Variants in SORCS3 observed in about 807,000 individuals in gnomAD.
SORCS3 encodes the protein VPS10 domain-containing receptor SorCS3.
In SORCS3, 57 loss-of-function variants were observed where a neutral mutation model predicts 146.3. The ratio of observed to expected loss-of-function variants is 0.39; its 90% CI spans 0.31 to 0.49. The LOEUF is 0.49. Among genes scored for constraint, SORCS3 ranks in the 20% least tolerant of loss-of-function variants. The pLI, the probability that SORCS3 is intolerant of heterozygous loss-of-function variation, is 0.92. For synonymous variants in SORCS3, 653 were observed against 618.5 expected (o/e 1.06, Z -0.83); for missense variants, 1,341 against 1,575.5 (o/e 0.85, Z 2.52).
chr10:104,668,443 G>A (rs1441263338), intron 1 of SORCS3, among the ~76,000 whole-genome samples: 1 of 152,134 alleles, frequency 6.6e-6, no homozygotes, highest in Admixed American at 6.5e-5. Flanking sequence ...TTTGATCCTG[G>A]TTTAGCCTCT....
At chr10:104,965,349 T>G (rs913741489) in intron 3 of SORCS3, among the ~76,000 whole-genome samples, 19 of 152,236 alleles carry the variant, frequency 1.2e-4, no homozygotes, top group Admixed American at 2.6e-4. Context: ...CAATGCTACA[T>G]TCAATGGTCA....
chr10:104,884,966 A>G (rs2018668102), intron 2 of SORCS3, among the ~76,000 whole-genome samples: 1 of 151,698 alleles, frequency 6.6e-6, no homozygotes, highest in African/African-American at 2.4e-5. Context: ...TTCTCACACT[A>G]TTTATTCTGC....
chr10:105,226,016 C>A (rs903826708), intron 20 of SORCS3, among the ~76,000 whole-genome samples: 1 of 151,722 alleles, frequency 6.6e-6, no homozygotes, highest in Non-Finnish European at 1.5e-5. Flanking sequence ...AAATTTGACT[C>A]TTTCTTTTTA....
intron 2 of SORCS3, among the ~76,000 whole-genome samples, chr10:104,890,345 C>CA (rs1230696676): frequency 4.6e-5 from 7 of 151,914 alleles, no homozygotes; most frequent in African/African-American, 1.7e-4. Context: ...ATTTTTTCCT[C>CA]AGTTTTTTTT....
chr10:104,716,358 T>C (rs2016479215), intron 1 of SORCS3, among the ~76,000 whole-genome samples: 1 of 152,102 alleles, frequency 6.6e-6, no homozygotes, highest in Non-Finnish European at 1.5e-5. Context: ...TTGCAGGAGA[T>C]GTTAAACTTT....
At chr10:104,674,345 G>T (rs1208886040) in intron 1 of SORCS3, among the ~76,000 whole-genome samples, 2 of 152,196 alleles carry the variant, frequency 1.3e-5, no homozygotes, top group Non-Finnish European at 2.9e-5. Context: ...GTAGTGAATA[G>T]TATTTGGCAA....
intron 1 of SORCS3, among the ~76,000 whole-genome samples, chr10:104,748,459 G>A (rs929647289): frequency 2.0e-5 from 3 of 152,114 alleles, no homozygotes; most frequent in Admixed American, 6.5e-5. Context: ...ACTTAAGGAA[G>A]AAAAGAAAAT....
chr10:104,940,236 A>T (rs1395487963), intron 3 of SORCS3, among the ~76,000 whole-genome samples: 17 of 23,602 alleles, frequency 7.2e-4, no homozygotes, highest in East Asian at 3.8e-3. Flanking sequence ...ATATATATAT[A>T]TATTTTTTTT....
intron 1 of SORCS3, among the ~76,000 whole-genome samples, chr10:104,713,869 G>A (rs936920280): frequency 6.6e-5 from 10 of 152,224 alleles, no homozygotes; most frequent in Admixed American, 5.9e-4. Flanking sequence ...GAATTCATAG[G>A]TGAAAGCATC....
intron 4 of SORCS3, among the ~76,000 whole-genome samples, chr10:104,989,062 G>A (rs1265598569): frequency 6.6e-6 from 1 of 152,184 alleles, no homozygotes; most frequent in African/African-American, 2.4e-5. Flanking sequence ...GTTGTCAATT[G>A]GCATAAGTGA....
chr10:104,671,185 A>T (rs1306795708), intron 1 of SORCS3, among the ~76,000 whole-genome samples: 1 of 151,602 alleles, frequency 6.6e-6, no homozygotes, highest in African/African-American at 2.4e-5. Context: ...TGTGTTGAAC[A>T]GTATTAGTAA....
chr10:104,760,778 T>G (rs145115610), intron 1 of SORCS3, among the ~76,000 whole-genome samples: 1 of 152,274 alleles, frequency 6.6e-6, no homozygotes, highest in Admixed American at 6.5e-5. Flanking sequence ...AGCTCATCAG[T>G]ATGAGTCTCT....
chr10:104,721,258 G>C (rs539542836), intron 1 of SORCS3, among the ~76,000 whole-genome samples: 37 of 152,168 alleles, frequency 2.4e-4, no homozygotes, highest in East Asian at 1.2e-3. Flanking sequence ...GCTTGTTTTT[G>C]TCAGGTTTGT....
chr10:105,060,427 A>C (rs1331294640), intron 5 of SORCS3, among the ~76,000 whole-genome samples: 2 of 152,126 alleles, frequency 1.3e-5, no homozygotes, highest in Non-Finnish European at 2.9e-5. Flanking sequence ...TTTGCAGTTA[A>C]TACAGTGCAC....
At chr10:105,003,044 G>GC (rs2055071504) in intron 4 of SORCS3, among the ~76,000 whole-genome samples, 1 of 152,176 alleles carries the variant, frequency 6.6e-6, no homozygotes, top group Non-Finnish European at 1.5e-5. Flanking sequence ...TGCAGCTCAT[G>GC]CATGGTGGCA....
rs542625898 is a variant in SORCS3 at position 104,935,504 on chromosome 10, A to G, written c.795+19572A>G. 1.8e-3 allele frequency among the ~76,000 whole-genome samples: 273 copies of G among 152,334 alleles called. 2 individuals carry two copies. The highest frequency in any genetic ancestry group is 6.0e-3 in the African/African-American group (251 of 41,570). ...GAGGTAATTCTATTGTACTTCCAGCATCAAGAACCATGGGTCTAGTTGGAG... is the reference window on the plus strand; with the variant it reads ...GAGGTAATTCTATTGTACTTCCAGCGTCAAGAACCATGGGTCTAGTTGGAG... On this transcript the variant is annotated intron_variant, in intron 3 of 26. Transcript: ENST00000369701.
At chr10:104,971,472 A>G (rs906473150) in intron 3 of SORCS3, among the ~76,000 whole-genome samples, 6 of 152,220 alleles carry the variant, frequency 3.9e-5, no homozygotes, top group African/African-American at 1.2e-4. Flanking sequence ...TTTGCTAAAC[A>G]TGGATGTTGG....
intron 1 of SORCS3, among the ~76,000 whole-genome samples, chr10:104,751,354 T>C (rs1158041564): frequency 1.3e-5 from 2 of 152,318 alleles, no homozygotes; most frequent in African/African-American, 4.8e-5. Context: ...CTACAGATTA[T>C]AGGTGTGTCC....
At chr10:105,205,126 G>C (rs969580) in intron 16 of SORCS3, among the ~76,000 whole-genome samples, 51,385 of 151,926 alleles carry the variant, frequency 0.34, 8,818 homozygotes, top group South Asian at 0.48. Context: ...TCTAGGAAAA[G>C]TTCAAGCCTC....
Sources: allele counts gnomAD v4.1 joint callset (sites outside exome capture counted in the v4.1 genomes callset), GRCh38; gene constraint gnomAD v4.1.1; transcripts MANE v1.5; gene names NCBI Gene and HGNC (gene_info 2026-07-23, HGNC 2026-07-21).